Variants in CAV1 observed in about 807,000 individuals in gnomAD.
CAV1 encodes caveolin-1.
CAV1 carries 10 observed loss-of-function variants against 16.5 expected under a neutral mutation model. The observed-to-expected ratio is 0.61, with a 90% CI of 0.37 to 1.03. CAV1 has a LOEUF of 1.03. Ranked by LOEUF, CAV1 falls within the 50% of genes least tolerant of loss-of-function variation. The pLI is 0.01. For synonymous variants in CAV1, 76 were observed against 85.1 expected, an observed-to-expected ratio of 0.89 and a Z score of 0.59; for missense variants, 212 against 232.8, an observed-to-expected ratio of 0.91 and a Z score of 0.58.
At chr7:116,555,487 A>G (rs1411897722) in intron 2 of CAV1, among the ~76,000 whole-genome samples, 381 of 3,520 alleles carry the variant, frequency 0.11, 78 homozygotes, top group Middle Eastern at 0.3. Context: ...AGGAAAGAAA[A>G]GAAAGAAAGA....
At chr7:116,556,803 T>C (rs1794303499) in intron 2 of CAV1, among the ~76,000 whole-genome samples, 1 of 151,018 alleles carries the variant, frequency 6.6e-6, no homozygotes, top group Non-Finnish European at 1.5e-5. Flanking sequence ...GTGTGTCCAT[T>C]TCAGGGCAGT....
At chr7:116,536,499 G>A (rs532435821) in intron 2 of CAV1, among the ~76,000 whole-genome samples, 1 of 152,290 alleles carries the variant, frequency 6.6e-6, no homozygotes, top group South Asian at 2.1e-4. Context: ...CCGAACATAT[G>A]TTTACCAGGA....
At chr7:116,525,240 G>A in intron 1 of CAV1, 148 bp downstream of exon 1, 1 of 1,608,824 alleles carries the variant, frequency 6.2e-7, no homozygotes, top group Non-Finnish European at 8.5e-7. Flanking sequence ...GCTGAGGAAT[G>A]GGCCTGGGCG....
At chr7:116,542,799 TC>T (rs1439794847) in intron 2 of CAV1, 3 of 152,158 alleles carry the variant, frequency 2.0e-5, no homozygotes, top group African/African-American at 7.2e-5. Flanking sequence ...CAGAGTATCA[TC>T]CCCCTCCCCC....
rs1793526391 is a variant in CAV1 at position 116,525,089 on chromosome 7, G to C, written c.27G>C (p.Ser9=). The C allele has an allele frequency of 1.9e-6, 3 of 1,614,118 alleles. No individual in the cohort carries two copies. The highest frequency in any genetic ancestry group is 2.5e-6 in the Non-Finnish European group (3 of 1,180,032). The part of the protein sequence containing the change: MSGGKYVD[S]EGHLYTVPIR... ...TGTCTGGGGGCAAATACGTAGACTC[G>C]GAGGTAGGCATCCGTGGGGGGGCGC... The change falls in exon 1 of 3, where the codon TCG becomes TCC. Residue 9 remains serine, a synonymous_variant. Coordinates refer to ENST00000341049, the MANE Select transcript of CAV1 (RefSeq NM_001753.5).
intron 2 of CAV1, among the ~76,000 whole-genome samples, chr7:116,546,703 A>AAAAAAAAAAAAAAAAT (rs1486626816): frequency 8.5e-6 from 1 of 118,040 alleles, no homozygotes; most frequent in Non-Finnish European, 1.9e-5. Context: ...GTCACAAAAA[A>AAAAAAAAAAAAAAAAT]AAAAAAAAAA....
intron 2 of CAV1, among the ~76,000 whole-genome samples, chr7:116,548,015 A>T (rs780309118): frequency 8.5e-5 from 13 of 152,150 alleles, no homozygotes; most frequent in Non-Finnish European, 1.8e-4. Flanking sequence ...ACAGTAATCG[A>T]TTATCACACT....
At chr7:116,548,880 G>T (rs950073532) in intron 2 of CAV1, among the ~76,000 whole-genome samples, 1 of 152,140 alleles carries the variant, frequency 6.6e-6, no homozygotes, top group African/African-American at 2.4e-5. Context: ...ATGAGTTATT[G>T]CTATTCCAAG....
chr7:116,559,402 G>C lies in CAV1; in HGVS notation c.*115G>C. On this transcript the variant is annotated 3_prime_UTR_variant, in exon 3 of 3. Transcript: ENST00000341049. ...ACAATTTATGAATTGAATTATCTTG[G>C]TTGAAAATAAAAAGATCACTTTCTC... 3 of 731,412 alleles carry C rather than the reference G, an allele frequency of 4.1e-6. No homozygotes were observed. The highest frequency in any genetic ancestry group is 7.1e-6 in the Non-Finnish European group (3 of 423,144). The allele number at this position is 731,412 out of a possible 1,614,324, so 45.3% of individuals were successfully genotyped here. A position where few individuals can be genotyped will look rare whatever the true frequency, so the allele number is the denominator to read the frequency against.
intron 2 of CAV1, among the ~76,000 whole-genome samples, chr7:116,534,362 G>GAGATATAT (rs1293217496): frequency 9.4e-5 from 4 of 42,708 alleles, no homozygotes; most frequent in Non-Finnish European, 1.8e-4. Context: ...GCCCACCTCA[G>GAGATATAT]ATATATATAT....
chr7:116,555,484 A>AAAG (rs1491140702), intron 2 of CAV1, among the ~76,000 whole-genome samples: 9 of 6,088 alleles, frequency 1.5e-3, no homozygotes, highest in African/African-American at 3.4e-3. Flanking sequence ...AGGAGGAAAG[A>AAAG]AAAGAAAGAA....
At chr7:116,556,373 C>G (rs1490373627) in intron 2 of CAV1, among the ~76,000 whole-genome samples, 3 of 152,048 alleles carry the variant, frequency 2.0e-5, no homozygotes, top group South Asian at 4.2e-4. Flanking sequence ...TATTAACGTG[C>G]CTTTTAATTA....
At chr7:116,549,591 A>G (rs1457600049) in intron 2 of CAV1, among the ~76,000 whole-genome samples, 2 of 152,014 alleles carry the variant, frequency 1.3e-5, no homozygotes, top group East Asian at 3.8e-4. Flanking sequence ...TGAATTTTAA[A>G]TCATTTAAAA....
chr7:116,558,963 G>A lies in CAV1; in HGVS notation c.213G>A (p.Val71=). The stretch of plus-strand genomic sequence containing the variant: ...CCTTTTAGATTGACTTTGAAGATGT[G>A]ATTGCAGAACCAGAAGGGACACACA... ...DDVVKIDFED[V]IAEPEGTHSF... The change falls in exon 3 of 3, where the codon GTG becomes GTA. Residue 71 remains valine (V), a synonymous_variant. Transcript: ENST00000341049. 2 of 1,613,318 alleles carry A rather than the reference G, an allele frequency of 1.2e-6. No homozygotes were observed. The highest frequency in any genetic ancestry group is 1.7e-6 in the Non-Finnish European group (2 of 1,179,522).
chr7:116,537,091 A>G (rs1203089451), intron 2 of CAV1, among the ~76,000 whole-genome samples: 3 of 151,968 alleles, frequency 2.0e-5, no homozygotes, highest in Non-Finnish European at 2.9e-5. Context: ...GGGGAACTAC[A>G]TATTCTTAAA....
At chr7:116,544,611 A>C (rs780146453) in intron 2 of CAV1, among the ~76,000 whole-genome samples, 11 of 152,212 alleles carry the variant, frequency 7.2e-5, no homozygotes, top group Non-Finnish European at 1.5e-4. Flanking sequence ...AATAACTTAG[A>C]GTGAGCCAAG....
chr7:116,531,510 G>A (rs901915435), intron 2 of CAV1, among the ~76,000 whole-genome samples: 1 of 152,146 alleles, frequency 6.6e-6, no homozygotes, highest in Non-Finnish European at 1.5e-5. Context: ...AGAGCAATTG[G>A]TGATTAATAT....
chr7:116,543,736 T>A (rs1446780625), intron 2 of CAV1, among the ~76,000 whole-genome samples: 1 of 152,238 alleles, frequency 6.6e-6, no homozygotes. Flanking sequence ...TAAGAAGGTC[T>A]AGCTAAATAA....
chr7:116,527,628 T>A (rs369353959), intron 2 of CAV1, among the ~76,000 whole-genome samples: 35 of 152,344 alleles, frequency 2.3e-4, no homozygotes, highest in African/African-American at 7.7e-4. Flanking sequence ...TATCATGGGC[T>A]AGAGCCATCC....
Sources: gnomAD v4.1 joint callset for allele counts (sites outside exome capture counted in the v4.1 genomes callset) on GRCh38, gnomAD v4.1.1 for gene constraint, MANE v1.5 for transcripts, NCBI Gene and HGNC (gene_info 2026-07-23, HGNC 2026-07-21) for gene names.